Variants in FNIP1 observed in about 807,000 individuals in gnomAD.
FNIP1 encodes folliculin-interacting protein 1.
FNIP1 carries 40 observed loss-of-function variants against 124.5 expected under a neutral mutation model. That is an observed-to-expected ratio of 0.32 (90% CI 0.25 to 0.42). The LOEUF (loss-of-function observed/expected upper bound fraction) is 0.42. Among genes scored for constraint, FNIP1 ranks in the 10% least tolerant of loss-of-function variants. The pLI is 1.00. For missense variants in FNIP1, 1,176 were observed against 1,403.7 expected (o/e 0.84, Z 2.59); for synonymous variants, 472 against 470.6 (o/e 1.00, Z -0.04).
intron 2 of FNIP1, among the ~76,000 whole-genome samples, chr5:131,735,516 G>A (rs1213054207): frequency 4.1e-5 from 6 of 146,216 alleles, no homozygotes; most frequent in Non-Finnish European, 7.5e-5. Context: ...GTATATATAC[G>A]TATATACATA....
intron 10 of FNIP1, among the ~76,000 whole-genome samples, chr5:131,700,739 T>A (rs1465344424): frequency 6.8e-6 from 1 of 148,046 alleles, no homozygotes; most frequent in African/African-American, 2.5e-5. Context: ...AGCTTTTATT[T>A]AAAAAAAAAA....
chr5:131,775,615 C>T lies in FNIP1; in HGVS notation c.92+21215G>A, dbSNP rs1771775920. 1.3e-5 allele frequency among the ~76,000 whole-genome samples: 2 copies of T among 150,542 alleles called. 1 individual carries two copies. The highest frequency in any genetic ancestry group is 4.2e-4 in the South Asian group (2 of 4,776). On this transcript the variant is annotated intron_variant, in intron 1 of 17. Coordinates refer to ENST00000510461, the MANE Select transcript of FNIP1 (RefSeq NM_133372.3). ...CACTCTCGGCTCAATGCAACCTCTG[C>T]CCCCCGGGTTCAAGCAATTCTCCTG...
chr5:131,651,241 A>G (rs1361652034), intron 16 of FNIP1, among the ~76,000 whole-genome samples: 4 of 152,076 alleles, frequency 2.6e-5, no homozygotes, highest in Admixed American at 2.0e-4. Flanking sequence ...AAAATACAAA[A>G]TATTAGTCAG....
chr5:131,758,985 G>A (rs950732676), intron 1 of FNIP1, among the ~76,000 whole-genome samples: 1 of 152,056 alleles, frequency 6.6e-6, no homozygotes, highest in South Asian at 2.1e-4. Flanking sequence ...AAATTTCATG[G>A]AGGGGGAATG....
chr5:131,720,498 T>G (rs920215526), intron 3 of FNIP1, among the ~76,000 whole-genome samples: 1 of 152,204 alleles, frequency 6.6e-6, no homozygotes, highest in Non-Finnish European at 1.5e-5. Flanking sequence ...CAAGTGGGAC[T>G]ACATCAAACT....
At chr5:131,679,747 A>T (rs926114607) in intron 11 of FNIP1, among the ~76,000 whole-genome samples, 3 of 152,234 alleles carry the variant, frequency 2.0e-5, no homozygotes, top group Non-Finnish European at 2.9e-5. Flanking sequence ...ATCAACACAA[A>T]AAAAGATTAT....
At chr5:131,763,447 G>C (rs2149573282) in intron 1 of FNIP1, among the ~76,000 whole-genome samples, 1 of 152,286 alleles carries the variant, frequency 6.6e-6, no homozygotes, top group Non-Finnish European at 1.5e-5. Context: ...ATGCCTTACA[G>C]TTCTGTAGGC....
Position 131,718,717 on chromosome 5 carries a change from A to G in FNIP1, c.530+269T>C, listed in dbSNP as rs192798422. ...AGGTAACTCAGCGTGGTACCGCAAA[A>G]CTGAAAAATCAGCATGTTGCCCTAA... On this transcript the variant is annotated intron_variant, in intron 5 of 17. Transcript: ENST00000510461. Among the ~76,000 whole-genome samples the G allele has an allele frequency of 5.3e-5, 8 of 152,330 alleles. No homozygotes were observed. The East Asian group carries it at 1.5e-3, about 29-fold the overall frequency.
chr5:131,693,844 CA>C (rs1359265513), intron 11 of FNIP1, among the ~76,000 whole-genome samples: 3 of 150,876 alleles, frequency 2.0e-5, no homozygotes, highest in African/African-American at 7.3e-5. Context: ...CAAAACAAAA[CA>C]AAACAACAAC....
At chr5:131,645,828 T>C (rs973867763) in intron 17 of FNIP1, among the ~76,000 whole-genome samples, 4 of 152,214 alleles carry the variant, frequency 2.6e-5, no homozygotes, top group South Asian at 2.1e-4. Flanking sequence ...TCTGTGCTTA[T>C]ATGAACATTC....
intron 13 of FNIP1, among the ~76,000 whole-genome samples, chr5:131,673,209 G>T (rs1430369752): frequency 6.6e-6 from 1 of 151,572 alleles, no homozygotes; most frequent in Non-Finnish European, 1.5e-5. Context: ...CACCATGCCT[G>T]GCTAATTTTT....
At chr5:131,731,112 A>G in intron 2 of FNIP1, 74 bp from the exon 3 acceptor site, 1 of 1,412,290 alleles carries the variant, frequency 7.1e-7, no homozygotes, top group African/African-American at 1.4e-5. Flanking sequence ...AAGTATAAAA[A>G]CCTTTGGAAA....
Position 131,772,813 on chromosome 5 carries a change from G to C in FNIP1, c.92+24017C>G, listed in dbSNP as rs367868215. Among the ~76,000 whole-genome samples the C allele has an allele frequency of 1.1e-4, 17 of 152,252 alleles. No homozygotes were observed. The East Asian group carries it at 1.5e-3, about 14-fold the overall frequency. ...TCTCTAACCTGTAATAACTGCAACA[G>C]TGCTTCACTGGCCTCTGCTTCTAAT... On this transcript the variant is annotated intron_variant, in intron 1 of 17. Transcript: ENST00000510461.
intron 3 of FNIP1, among the ~76,000 whole-genome samples, chr5:131,720,325 A>G (rs1484523530): frequency 1.5e-4 from 23 of 152,182 alleles, no homozygotes; most frequent in Admixed American, 1.4e-3. Flanking sequence ...GGTGTCCTAT[A>G]TCATGCACAA....
At chr5:131,770,217 A>G (rs1034031101) in intron 1 of FNIP1, among the ~76,000 whole-genome samples, 2 of 152,254 alleles carry the variant, frequency 1.3e-5, no homozygotes, top group Non-Finnish European at 2.9e-5. Context: ...CACAGGGCCC[A>G]GACTGGTCAG....
intron 1 of FNIP1, among the ~76,000 whole-genome samples, chr5:131,777,102 C>T (rs981521202): frequency 4.6e-5 from 7 of 151,578 alleles, no homozygotes; most frequent in African/African-American, 1.2e-4. Context: ...TAGCAGGGCA[C>T]GGTGGTGCAC....
Position 131,706,440 on chromosome 5 carries a change from T to G in FNIP1, c.885A>C (p.Thr295=), listed in dbSNP as rs1205194041. The part of the protein sequence containing the change: ...YQRRWRRSQT[T]SLENGVFPRW... Reference sequence around the variant, plus strand: ...TAGGAAATACCCCATTTTCCAAACTTGTTGTTTGGCTGCGTCGCCAACGTC... The same window carrying G: ...TAGGAAATACCCCATTTTCCAAACTGGTTGTTTGGCTGCGTCGCCAACGTC... Residue 295 remains threonine, a synonymous_variant, in exon 9 of 18, where the codon ACA becomes ACC. Coordinates refer to ENST00000510461, the MANE Select transcript of FNIP1 (RefSeq NM_133372.3). 6.2e-7 allele frequency: 1 copy of G among 1,613,206 alleles called. No individual in the cohort carries two copies. Among genetic ancestry groups the G allele is most frequent in the East Asian group, 2.2e-5 (1 of 44,864 alleles).
At chr5:131,719,490 TA>T in intron 3 of FNIP1, 73 bp from the exon 4 acceptor site, 1 of 1,357,700 alleles carries the variant, frequency 7.4e-7, no homozygotes, top group Non-Finnish European at 1.0e-6. Flanking sequence ...TGATTTTTAT[TA>T]AAAATTCTTG....
chr5:131,684,094 T>G (rs1045511328), intron 11 of FNIP1, among the ~76,000 whole-genome samples: 2 of 152,180 alleles, frequency 1.3e-5, no homozygotes, highest in African/African-American at 4.8e-5. Context: ...AGCACTACAT[T>G]TGGAAGCCAT....
Sources: allele counts gnomAD v4.1 joint callset (sites outside exome capture counted in the v4.1 genomes callset), GRCh38; gene constraint gnomAD v4.1.1; transcripts MANE v1.5; gene names NCBI Gene and HGNC (gene_info 2026-07-23, HGNC 2026-07-21).